The following ZC3H18 variants were observed in gnomAD, a reference collection of about 807,000 sequenced individuals.
ZC3H18 encodes zinc finger CCCH-type containing 18.
Under a neutral mutation model 106.1 loss-of-function variants are expected in ZC3H18, and 8 were observed. The observed-to-expected ratio is 0.08, with a 90% CI of 0.04 to 0.14. The LOEUF (loss-of-function observed/expected upper bound fraction) is 0.14, where lower values mean the gene tolerates loss of function less well. Ranked by LOEUF, ZC3H18 falls within the 10% of genes least tolerant of loss-of-function variation. The probability of loss-of-function intolerance (pLI) is 1.00; values close to 1 mark genes in which losing one functional copy is unlikely to be tolerated. For missense variants in ZC3H18, 1,318 were observed against 1,278.4 expected (o/e 1.03, Z -0.47); for synonymous variants, 635 against 522.1 (o/e 1.22, Z -2.95).
chr16:88,628,617 G>A (rs1027088200), intron 15 of ZC3H18, 141 bp from the exon 16 acceptor site: 16 of 867,580 alleles, frequency 1.8e-5, no homozygotes, highest in Non-Finnish European at 2.6e-5. Context: ...GCCTCACTCA[G>A]GGCTACGGGG....
chr16:88,582,630 C>T (rs1219039689), intron 2 of ZC3H18, among the ~76,000 whole-genome samples: 1 of 152,144 alleles, frequency 6.6e-6, no homozygotes, highest in East Asian at 1.9e-4. Flanking sequence ...GCCTGTACCA[C>T]ACTTGGAAAA....
chr16:88,573,004 G>A (rs1164498736), intron 1 of ZC3H18, among the ~76,000 whole-genome samples: 1 of 151,982 alleles, frequency 6.6e-6, no homozygotes, highest in Non-Finnish European at 1.5e-5. Flanking sequence ...TGATCCTCCC[G>A]CTTCAGCCTC....
Position 88,577,348 on chromosome 16 carries a change from G to C in ZC3H18, c.225G>C (p.Glu75Asp), listed in dbSNP as rs959637643. 6.2e-7 allele frequency: 1 copy of C among 1,602,854 alleles called. No individual in the cohort carries two copies. Among genetic ancestry groups the C allele is most frequent in the Non-Finnish European group, 8.5e-7 (1 of 1,173,384 alleles). ...NHSDEEDRASEPKSQDQDSEV... is the reference protein window; with the variant it reads ...NHSDEEDRASDPKSQDQDSEV... Reference sequence around the variant, plus strand: ...CCGACGAGGAGGACCGGGCAAGTGAGCCTAAATCCCAAGACCAGGACTCAG... The same window carrying C: ...CCGACGAGGAGGACCGGGCAAGTGACCCTAAATCCCAAGACCAGGACTCAG... The change falls in exon 2 of 18, where the codon GAG (glutamate) becomes GAC (aspartate). Residue 75 changes from glutamate (E) to aspartate (D), a missense_variant. By Grantham distance (45) the Glu-to-Asp change is conservative. Around this residue, in one of 6 missense-constraint regions of ZC3H18, gnomAD observed 346 missense variants for 269.0 expected, o/e 1.29. Coordinates refer to ENST00000301011, the MANE Select transcript of ZC3H18 (RefSeq NM_144604.4).
chr16:88,623,352 C>G lies in ZC3H18; in HGVS notation c.1793+8C>G. 1 of 1,612,586 alleles carries G rather than the reference C, an allele frequency of 6.2e-7. No individual in the cohort carries two copies. The highest frequency in any genetic ancestry group is 8.5e-7 in the Non-Finnish European group (1 of 1,179,856). ...CTCAGGAAGCCGGTCCAGGTATGTC[C>G]CCAGGGCCCATGAAGGGCCCTCAGC... On this transcript the variant is annotated splice_region_variant and intron_variant, in intron 10 of 17. Transcript: ENST00000301011.
At chr16:88,571,636 A>G (rs1567572408) in intron 1 of ZC3H18, 3 of 985,302 alleles carry the variant, frequency 3.0e-6, no homozygotes, top group Non-Finnish European at 3.6e-6. Context: ...GAAATATTGT[A>G]AGAAAGCTTT....
chr16:88,577,671 C>T lies in ZC3H18; in HGVS notation c.548C>T (p.Ala183Val). 6.2e-7 allele frequency: 1 copy of T among 1,613,702 alleles called. No individual in the cohort carries two copies. The highest frequency in any genetic ancestry group is 8.5e-7 in the Non-Finnish European group (1 of 1,180,008). Residue 183 changes from alanine (A) to valine (V), a missense_variant, in exon 2 of 18, where the codon GCC becomes GTC. By Grantham distance (64) the Ala-to-Val change is moderately conservative. This residue lies in a region of ZC3H18 where 346 missense variants were observed against 269.0 expected (regional missense o/e 1.29). Transcript: ENST00000301011. Reference sequence around the variant, plus strand: ...GGAGAAAAGGAATCCCTGGAGGCTGCCAAGGAGAAAAAGAAAGAGGACGAT... The same window carrying T: ...GGAGAAAAGGAATCCCTGGAGGCTGTCAAGGAGAAAAAGAAAGAGGACGAT... ...SVGEKESLEA[A>V]KEKKKEDDDG...
At chr16:88,584,299 G>A (rs950228004) in intron 2 of ZC3H18, among the ~76,000 whole-genome samples, 1 of 151,952 alleles carries the variant, frequency 6.6e-6, no homozygotes, top group Admixed American at 6.6e-5. Context: ...TCGGGCACCT[G>A]TAATCCCAGC....
Position 88,631,529 on chromosome 16 carries a change from G to A in ZC3H18, c.*230G>A. ...GGACAGACAGACACAGACAGCGCTA[G>A]TGACCAGCACGGTTCTCATGTAAAT... On this transcript the variant is annotated 3_prime_UTR_variant, in exon 18 of 18. Transcript: ENST00000301011. 1.5e-6 allele frequency: 1 copy of A among 652,586 alleles called. No individual in the cohort carries two copies. Among genetic ancestry groups the A allele is most frequent in the Non-Finnish European group, 2.8e-6 (1 of 360,382 alleles). 40.4% of individuals were successfully genotyped at this position (652,586 alleles called of 1,614,324 possible).
chr16:88,612,709 A>T (rs918437536), intron 8 of ZC3H18, among the ~76,000 whole-genome samples: 3 of 151,908 alleles, frequency 2.0e-5, no homozygotes, highest in African/African-American at 7.3e-5. Flanking sequence ...AAATTGTTTT[A>T]AAAAAATCTA....
At chr16:88,597,398 G>A (rs1040890671) in intron 3 of ZC3H18, among the ~76,000 whole-genome samples, 18 of 152,110 alleles carry the variant, frequency 1.2e-4, no homozygotes, top group African/African-American at 4.1e-4. Context: ...CTAACTGCAT[G>A]TTAACCCATT....
intron 8 of ZC3H18, among the ~76,000 whole-genome samples, chr16:88,615,858 T>C (rs1391574632): frequency 1.3e-5 from 2 of 152,228 alleles, no homozygotes; most frequent in Admixed American, 1.3e-4. Context: ...GAGTCTGTAA[T>C]TCCAACTCAG....
At chr16:88,590,867 T>C (rs1352962026) in intron 3 of ZC3H18, among the ~76,000 whole-genome samples, 2 of 151,996 alleles carry the variant, frequency 1.3e-5, no homozygotes, top group African/African-American at 4.8e-5. Flanking sequence ...GCCCCTACTT[T>C]GGGCTTCTGA....
intron 3 of ZC3H18, 112 bp downstream of exon 3, chr16:88,586,796 C>T: frequency 1.7e-6 from 1 of 582,976 alleles, no homozygotes; most frequent in Non-Finnish European, 3.1e-6. Flanking sequence ...GTTCTCTGGG[C>T]ATTACTGGCT....
intron 2 of ZC3H18, among the ~76,000 whole-genome samples, chr16:88,580,721 G>A (rs1174444305): frequency 6.6e-6 from 1 of 152,126 alleles, no homozygotes; most frequent in African/African-American, 2.4e-5. Flanking sequence ...GGAGCCCTGG[G>A]GTGCGCCGGG....
chr16:88,579,810 C>T lies in ZC3H18; in HGVS notation c.603+2084C>T, dbSNP rs562488549. 3.0e-3 allele frequency among the ~76,000 whole-genome samples: 454 copies of T among 152,290 alleles called. 4 individuals carry two copies. Among genetic ancestry groups the T allele is most frequent in the African/African-American group, 0.011 (438 of 41,570 alleles). ...CTTCCACCGCACAGACTGCCTCCAG[C>T]GCCCCACATCCCCCATAGGTCTGTG... On this transcript the variant is annotated intron_variant, in intron 2 of 17. Coordinates refer to ENST00000301011, the MANE Select transcript of ZC3H18 (RefSeq NM_144604.4).
intron 15 of ZC3H18, 84 bp from the exon 16 acceptor site, chr16:88,628,674 G>T: frequency 6.8e-7 from 1 of 1,468,566 alleles, no homozygotes. Flanking sequence ...CAGGTTGCTG[G>T]CAAGGAACCC....
At chr16:88,587,653 A>C (rs1567581072) in intron 3 of ZC3H18, 1 of 1,505,576 alleles carries the variant, frequency 6.6e-7, no homozygotes, top group Non-Finnish European at 8.9e-7. Context: ...AGTACCTTAA[A>C]GTCCCCCTAC....
chr16:88,599,940 A>T lies in ZC3H18; in HGVS notation c.1080A>T (p.Arg360Ser). The change falls in exon 6 of 18, where the codon AGA becomes AGT. Residue 360 changes from arginine to serine, a missense_variant. Around this residue, in one of 6 missense-constraint regions of ZC3H18, gnomAD observed 848 missense variants for 821.7 expected, o/e 1.03. Coordinates refer to ENST00000301011, the MANE Select transcript of ZC3H18 (RefSeq NM_144604.4). ...ATTCTCGGATCCCGAGAGATGTCAG[A>T]GACACAGTGTAAGGAATGGCCCTGC... Reference protein sequence around the residue: ...DWNSRIPRDVRDTVLEPYADP... With the variant: ...DWNSRIPRDVSDTVLEPYADP... 6.2e-7 allele frequency: 1 copy of T among 1,614,038 alleles called. No homozygotes were observed. Among genetic ancestry groups the T allele is most frequent in the Non-Finnish European group, 8.5e-7 (1 of 1,179,944 alleles).
intron 2 of ZC3H18, among the ~76,000 whole-genome samples, chr16:88,581,784 G>A (rs1291040324): frequency 6.6e-6 from 1 of 152,174 alleles, no homozygotes; most frequent in Non-Finnish European, 1.5e-5. Context: ...CCTTTCTCCT[G>A]CACGTCTAGT....
Sources: gnomAD v4.1 joint callset for allele counts (sites outside exome capture counted in the v4.1 genomes callset) on GRCh38, gnomAD v4.1.1 for gene constraint, gnomAD v4.1.1 regional missense constraint, MANE v1.5 for transcripts, NCBI Gene and HGNC (gene_info 2026-07-23, HGNC 2026-07-21) for gene names.